The following DAB1 variants were observed in gnomAD, a reference collection of about 807,000 sequenced individuals.
The protein encoded by DAB1 is DAB adaptor protein 1.
Under a neutral mutation model 64.6 loss-of-function variants are expected in DAB1, and 15 were observed. The observed-to-expected ratio is 0.23, with a 90% CI of 0.16 to 0.36. The LOEUF is 0.36. Among genes scored for constraint, DAB1 ranks in the 10% least tolerant of loss-of-function variants. DAB1 has a pLI of 1.00. For synonymous variants in DAB1, 235 were observed against 251.9 expected, an observed-to-expected ratio of 0.93 and a Z score of 0.64; for missense variants, 596 against 706.7, an observed-to-expected ratio of 0.84 and a Z score of 1.78.
intron 7 of DAB1, among the ~76,000 whole-genome samples, chr1:57,458,479 GAA>G (rs200562655): frequency 0.041 from 5,821 of 140,380 alleles, 185 homozygotes; most frequent in East Asian, 0.18. Flanking sequence ...TCCTATTTGA[GAA>G]AAAAAAAAAA....
intron 2 of DAB1, among the ~76,000 whole-genome samples, chr1:57,165,799 T>C (rs770446968): frequency 1.8e-4 from 27 of 152,210 alleles, no homozygotes; most frequent in Non-Finnish European, 3.5e-4. Flanking sequence ...CCACTCTACC[T>C]CTCTTTTCTC....
At chr1:57,126,081 C>A (rs1657102241) in intron 4 of DAB1, among the ~76,000 whole-genome samples, 1 of 152,106 alleles carries the variant, frequency 6.6e-6, no homozygotes. Context: ...AAAATTCTCC[C>A]CATCTTTCAT....
At chr1:57,265,885 G>A (rs991856522) in intron 2 of DAB1, among the ~76,000 whole-genome samples, 3 of 152,112 alleles carry the variant, frequency 2.0e-5, no homozygotes, top group African/African-American at 7.2e-5. Flanking sequence ...TCTCATGTAA[G>A]CAAACTCAGT....
At chr1:57,386,783 T>A (rs1339326921) in intron 1 of DAB1, 2 of 151,962 alleles carry the variant, frequency 1.3e-5, no homozygotes. Context: ...GAACATGCTC[T>A]TCACACCAGA....
At chr1:57,426,874 A>ATATATATTTTTTT (rs57970737), upstream of DAB1, among the ~76,000 whole-genome samples, 65 of 149,278 alleles carry the variant, frequency 4.4e-4, no homozygotes, top group African/African-American at 1.6e-3. Flanking sequence ...ATATATATAT[A>ATATATATTTTTTT]TTTTTTTGAG....
At chr1:57,433,610 TAGAG>T (rs1234377136) in intron 7 of DAB1, among the ~76,000 whole-genome samples, 1 of 152,040 alleles carries the variant, frequency 6.6e-6, no homozygotes, top group Non-Finnish European at 1.5e-5. Context: ...ACAGGTTTCT[TAGAG>T]AGGAGACAAA....
At chr1:57,918,146 A>G (rs1644756532) in intron 5 of DAB1, among the ~76,000 whole-genome samples, 1 of 151,796 alleles carries the variant, frequency 6.6e-6, no homozygotes, top group Non-Finnish European at 1.5e-5. Context: ...TGAACTGTAT[A>G]CTATGTAAAA....
chr1:57,387,715 G>A (rs566162942), intron 1 of DAB1, among the ~76,000 whole-genome samples: 192 of 151,732 alleles, frequency 1.3e-3, no homozygotes, highest in Non-Finnish European at 2.1e-3. Flanking sequence ...CCAGCTACTC[G>A]GGAGGCTGAG....
intron 6 of DAB1, among the ~76,000 whole-genome samples, chr1:57,811,603 G>A (rs1385200208): frequency 6.6e-6 from 1 of 152,168 alleles, no homozygotes; most frequent in East Asian, 1.9e-4. Context: ...AGCAATGTGG[G>A]AATGGACGAA....
At chr1:57,182,450 G>GCTA (rs1208126471) in intron 2 of DAB1, among the ~76,000 whole-genome samples, 1 of 152,216 alleles carries the variant, frequency 6.6e-6, no homozygotes, top group Non-Finnish European at 1.5e-5. Context: ...TACGGGGCTA[G>GCTA]AGCCCACAAC....
intron 7 of DAB1, among the ~76,000 whole-genome samples, chr1:57,497,360 A>C (rs1644242944): frequency 6.6e-6 from 1 of 152,204 alleles, no homozygotes; most frequent in Admixed American, 6.5e-5. Flanking sequence ...CCACTAGAAT[A>C]ATGTCTGGCA....
At chr1:57,596,797 C>T (rs745693432) in intron 7 of DAB1, among the ~76,000 whole-genome samples, 2 of 152,150 alleles carry the variant, frequency 1.3e-5, no homozygotes, top group East Asian at 1.9e-4. Flanking sequence ...CCAAACACAG[C>T]GCGTGGATAG....
chr1:57,247,788 T>C (rs1476584119), intron 2 of DAB1, among the ~76,000 whole-genome samples: 5 of 152,202 alleles, frequency 3.3e-5, no homozygotes, highest in African/African-American at 9.7e-5. Flanking sequence ...AGACCACTTA[T>C]ATGGATGCTC....
chr1:57,144,680 T>C (rs1488368568), intron 3 of DAB1, among the ~76,000 whole-genome samples: 1 of 146,978 alleles, frequency 6.8e-6, no homozygotes, highest in Non-Finnish European at 1.5e-5. Flanking sequence ...GGCGATAGAG[T>C]GAGACTCCTT....
chr1:57,766,492 A>G (rs1649317595), intron 6 of DAB1, among the ~76,000 whole-genome samples: 1 of 152,008 alleles, frequency 6.6e-6, no homozygotes, highest in Non-Finnish European at 1.5e-5. Flanking sequence ...GCCAGGCACA[A>G]TTGCACCTCA....
At chr1:57,779,101 T>C (rs560264375) in intron 6 of DAB1, among the ~76,000 whole-genome samples, 1 of 152,230 alleles carries the variant, frequency 6.6e-6, no homozygotes, top group Admixed American at 6.5e-5. Flanking sequence ...TAATAAAAAA[T>C]TCTATGAAGG....
chr1:57,123,934 T>TATG (rs1656894755), intron 4 of DAB1, among the ~76,000 whole-genome samples: 1 of 152,190 alleles, frequency 6.6e-6, no homozygotes, highest in African/African-American at 2.4e-5. Context: ...TTTTTTTCTT[T>TATG]ATGACTTTTC....
chr1:57,848,250 A>G (rs1187905990), intron 1 of DAB1, among the ~76,000 whole-genome samples: 1 of 152,240 alleles, frequency 6.6e-6, no homozygotes, highest in Non-Finnish European at 1.5e-5. Flanking sequence ...TTCCGAACAC[A>G]ATGTAGTGAA....
intron 4 of DAB1, among the ~76,000 whole-genome samples, chr1:57,115,754 T>TCAGAG (rs1223968653): frequency 6.6e-6 from 1 of 152,076 alleles, no homozygotes; most frequent in East Asian, 1.9e-4. Flanking sequence ...GCAGGCTTCT[T>TCAGAG]AAAGGTGAAA....
Sources: allele counts gnomAD v4.1 joint callset (sites outside exome capture counted in the v4.1 genomes callset), GRCh38; gene constraint gnomAD v4.1.1; transcripts MANE v1.5; gene names NCBI Gene and HGNC (gene_info 2026-07-23, HGNC 2026-07-21).